The following TM4SF20 variants were observed in gnomAD, a reference collection of about 807,000 sequenced individuals.
The protein encoded by TM4SF20 is transmembrane 4 L six family member 20.
TM4SF20 carries 13 observed loss-of-function variants against 15.1 expected under a neutral mutation model. The ratio of observed to expected loss-of-function variants is 0.86; its 90% CI spans 0.56 to 1.36. The LOEUF (loss-of-function observed/expected upper bound fraction) is 1.36, where lower values mean the gene tolerates loss of function less well. TM4SF20 is among the 40% of genes most tolerant of loss of function. The pLI, the probability that TM4SF20 is intolerant of heterozygous loss-of-function variation, is 0.00. For synonymous variants in TM4SF20, 92 were observed against 96.6 expected (o/e 0.95, Z 0.28); for missense variants, 282 against 268.4 (o/e 1.05, Z -0.35).
At chr2:227,378,595 C>A (rs576576569) in intron 1 of TM4SF20, among the ~76,000 whole-genome samples, 2 of 152,190 alleles carry the variant, frequency 1.3e-5, no homozygotes, top group Non-Finnish European at 2.9e-5. Flanking sequence ...CTTAGCCCAA[C>A]TCCCTTCAGG....
chr2:227,379,350 A>G, upstream of TM4SF20: 5 of 1,259,990 alleles, frequency 4.0e-6, no homozygotes, highest in Non-Finnish European at 5.5e-6. Flanking sequence ...TCTTCTGGTT[A>G]AAATTTAACG....
At chr2:227,376,078 G>A (rs71431038) in intron 1 of TM4SF20, among the ~76,000 whole-genome samples, 8,353 of 152,176 alleles carry the variant, frequency 0.055, 345 homozygotes, top group Non-Finnish European at 0.071. Context: ...GTCCGCCTCC[G>A]TTTTAAGTAA....
In TM4SF20 at chr2:227,379,262, A is replaced by G; in HGVS notation, c.7T>C (p.Cys3Arg). ...TTGCAGGATGTCCATCCTTCGCAGC[A>G]GGTCATGGTCACCCCTGGCTCAGAA... MT[C>R]CEGWTSCNGF... Residue 3 changes from cysteine (C) to arginine (R), a missense_variant, in exon 1 of 4, where the codon TGC (cysteine) becomes CGC (arginine). Coordinates refer to ENST00000304568, the MANE Select transcript of TM4SF20 (RefSeq NM_024795.4). The G allele has an allele frequency of 6.2e-7, 1 of 1,613,986 alleles. No homozygotes were observed. Among genetic ancestry groups the G allele is most frequent in the Non-Finnish European group, 8.5e-7 (1 of 1,179,888 alleles).
intron 2 of TM4SF20, among the ~76,000 whole-genome samples, chr2:227,366,750 A>G (rs1286459432): frequency 8.9e-6 from 1 of 112,072 alleles, no homozygotes; most frequent in Non-Finnish European, 1.7e-5. Flanking sequence ...AAAAAAAAAA[A>G]AAAAAAGATG....
chr2:227,376,149 G>C (rs2076449508), intron 1 of TM4SF20, among the ~76,000 whole-genome samples: 1 of 152,144 alleles, frequency 6.6e-6, no homozygotes, highest in Non-Finnish European at 1.5e-5. Flanking sequence ...TCCATAGTTT[G>C]TATAATTATC....
chr2:227,370,795 T>A lies in TM4SF20; in HGVS notation c.249+120A>T. The A allele has an allele frequency of 6.2e-6, 5 of 807,160 alleles. No homozygotes were observed. In the South Asian group the frequency reaches 6.9e-5, roughly 11 times the overall value. 50.0% of individuals were successfully genotyped at this position (807,160 alleles called of 1,614,324 possible). A position where few individuals can be genotyped will look rare whatever the true frequency, so the allele number is the denominator to read the frequency against. On this transcript the variant is annotated intron_variant, in intron 2 of 3. Coordinates refer to ENST00000304568, the MANE Select transcript of TM4SF20 (RefSeq NM_024795.4). ...TAAAAATAGCATGTTTCTAAGGCTG[T>A]GGCTCTGTCAGTGGAGCCCCACTGT...
At chr2:227,370,845 G>T in intron 2 of TM4SF20, 70 bp downstream of exon 2, 1 of 1,285,756 alleles carries the variant, frequency 7.8e-7, no homozygotes, top group Non-Finnish European at 1.1e-6. Context: ...GAGTGACTCA[G>T]TGTGGCTTTG....
At chr2:227,370,064 G>A (rs551205513) in intron 2 of TM4SF20, among the ~76,000 whole-genome samples, 10 of 152,194 alleles carry the variant, frequency 6.6e-5, no homozygotes, top group South Asian at 4.2e-4. Context: ...GTGACACTCC[G>A]GTTAATGAAT....
intron 1 of TM4SF20, among the ~76,000 whole-genome samples, chr2:227,373,063 C>T (rs1438864236): frequency 2.0e-5 from 3 of 152,128 alleles, no homozygotes; most frequent in African/African-American, 7.2e-5. Context: ...CAATTCTCCC[C>T]TATTCCTACC....
chr2:227,364,146 G>T, intron 3 of TM4SF20, 134 bp from the exon 4 acceptor site: 1 of 910,116 alleles, frequency 1.1e-6, no homozygotes, highest in South Asian at 1.8e-5. Flanking sequence ...AGAGATCAGG[G>T]TTTCTGAGCA....
intron 2 of TM4SF20, among the ~76,000 whole-genome samples, chr2:227,366,553 C>A (rs527694253): frequency 6.6e-6 from 1 of 151,564 alleles, no homozygotes; most frequent in Admixed American, 6.6e-5. Context: ...CATGGCAAAA[C>A]CCCCTCTCTA....
At chr2:227,379,329 T>C, upstream of TM4SF20, 1 of 1,435,398 alleles carries the variant, frequency 7.0e-7, no homozygotes, top group Non-Finnish European at 9.5e-7. Flanking sequence ...CTATGTTGCC[T>C]TTTATCCCAA....
intron 2 of TM4SF20, among the ~76,000 whole-genome samples, chr2:227,369,982 TCTTA>T (rs1353855580): frequency 1.3e-5 from 2 of 152,212 alleles, no homozygotes; most frequent in Non-Finnish European, 2.9e-5. Flanking sequence ...CAAACACACT[TCTTA>T]CTTTTTCCCA....
chr2:227,367,490 G>A (rs147574202), intron 2 of TM4SF20, among the ~76,000 whole-genome samples: 3,542 of 152,044 alleles, frequency 0.023, 137 homozygotes, highest in African/African-American at 0.08. Context: ...CCTGGGCAAC[G>A]TAGTAAGAGC....
intron 1 of TM4SF20, among the ~76,000 whole-genome samples, chr2:227,377,385 A>G (rs2076456364): frequency 6.6e-6 from 1 of 152,242 alleles, no homozygotes; most frequent in African/African-American, 2.4e-5. Flanking sequence ...GTTGAGTTGC[A>G]ATGTGTTTTC....
At chr2:227,376,809 A>G (rs767708624) in intron 1 of TM4SF20, among the ~76,000 whole-genome samples, 2 of 152,238 alleles carry the variant, frequency 1.3e-5, no homozygotes, top group Non-Finnish European at 2.9e-5. Flanking sequence ...TTTTGACGTC[A>G]GATAAATCTG....
rs537612030 is a variant in TM4SF20, at chr2:227,372,611, G to A, written c.184-1631C>T. 5.3e-3 allele frequency among the ~76,000 whole-genome samples: 804 copies of A among 152,216 alleles called. 11 individuals carry two copies. The highest frequency in any genetic ancestry group is 0.018 in the African/African-American group (740 of 41,544). ...AGCTGAGATCATGTGACTGCACTCC[G>A]GCCTGGCGACAGAGCGAGACTCTAT... is the stretch of plus-strand genomic sequence containing the variant. On this transcript the variant is annotated intron_variant, in intron 1 of 3. Transcript: ENST00000304568.
chr2:227,374,919 T>C (rs1380437255), intron 1 of TM4SF20, among the ~76,000 whole-genome samples: 1 of 95,096 alleles, frequency 1.1e-5, no homozygotes, highest in Non-Finnish European at 2.5e-5. Context: ...AGTGAGACCC[T>C]ATCTACAAAA....
Position 227,363,530 on chromosome 2 carries a change from G to A in TM4SF20, c.*194C>T. On this transcript the variant is annotated 3_prime_UTR_variant, in exon 4 of 4. Transcript: ENST00000304568. ...AGTGAAGAGGTAAAAAATTTGAATA[G>A]TACAACACAAAACTAATTGAAAATT... 4 of 592,892 alleles carry A rather than the reference G, an allele frequency of 6.7e-6. No homozygotes were observed. The highest frequency in any genetic ancestry group is 4.3e-5 in the South Asian group (2 of 46,284). The allele number at this position is 592,892 out of a possible 1,614,324, so 36.7% of individuals were successfully genotyped here. A position where few individuals can be genotyped will look rare whatever the true frequency, so the allele number is the denominator to read the frequency against.
Sources: allele counts gnomAD v4.1 joint callset (sites outside exome capture counted in the v4.1 genomes callset), GRCh38; gene constraint gnomAD v4.1.1; transcripts MANE v1.5; gene names NCBI Gene and HGNC (gene_info 2026-07-23, HGNC 2026-07-21).